EXOC4: variants seen among roughly 807,000 people sequenced by gnomAD.
The protein encoded by EXOC4 is exocyst complex component 4, also known as SEC8-like 1.
Under a neutral mutation model 107.2 loss-of-function variants are expected in EXOC4, and 71 were observed. That is an observed-to-expected ratio of 0.66 (90% CI 0.55 to 0.81). EXOC4 has a LOEUF of 0.81. EXOC4 is among the 30% of genes least tolerant of loss of function. The pLI is 0.00. For synonymous variants in EXOC4, 456 were observed against 441.2 expected (o/e 1.03, Z -0.42); for missense variants, 1,108 against 1,189.6 (o/e 0.93, Z 1.01).
intron 7 of EXOC4, among the ~76,000 whole-genome samples, chr7:133,405,931 T>G (rs1797207059): frequency 6.6e-6 from 1 of 152,194 alleles, no homozygotes; most frequent in African/African-American, 2.4e-5. Context: ...CCTCACTTAG[T>G]AAATATTTGA....
At chr7:133,928,783 A>AGAG (rs1402099722) in intron 13 of EXOC4, among the ~76,000 whole-genome samples, 1 of 152,170 alleles carries the variant, frequency 6.6e-6, no homozygotes, top group East Asian at 1.9e-4. Context: ...GTTGGAGCTC[A>AGAG]GAGGAGGGGG....
At chr7:133,487,157 A>G (rs1245498372) in intron 9 of EXOC4, among the ~76,000 whole-genome samples, 3 of 152,196 alleles carry the variant, frequency 2.0e-5, no homozygotes, top group Non-Finnish European at 4.4e-5. Context: ...TTTATGGTAA[A>G]ATGGATCTTG....
chr7:133,477,176 A>G (rs929203319), intron 8 of EXOC4, among the ~76,000 whole-genome samples: 6 of 152,180 alleles, frequency 3.9e-5, no homozygotes, highest in African/African-American at 1.4e-4. Flanking sequence ...TATTAACTAA[A>G]TTCCATAGTT....
chr7:133,297,923 A>G (rs1429236401), intron 3 of EXOC4, among the ~76,000 whole-genome samples: 1 of 152,172 alleles, frequency 6.6e-6, no homozygotes, highest in African/African-American at 2.4e-5. Context: ...ATCCTCCATC[A>G]TATTTCTGGT....
chr7:133,548,812 T>A (rs1332046247), intron 9 of EXOC4, among the ~76,000 whole-genome samples: 2 of 152,216 alleles, frequency 1.3e-5, no homozygotes, highest in Non-Finnish European at 2.9e-5. Flanking sequence ...ACTAAAACTT[T>A]CGCCATGTAA....
intron 9 of EXOC4, among the ~76,000 whole-genome samples, chr7:133,620,919 G>T (rs1319655216): frequency 6.6e-6 from 1 of 152,224 alleles, no homozygotes; most frequent in African/African-American, 2.4e-5. Flanking sequence ...ATGCTCCTCA[G>T]TGGTTGTCAA....
At chr7:133,313,921 T>G (rs927995427) in intron 4 of EXOC4, among the ~76,000 whole-genome samples, 1 of 152,218 alleles carries the variant, frequency 6.6e-6, no homozygotes, top group Non-Finnish European at 1.5e-5. Flanking sequence ...CAGGGATTAC[T>G]GTACATCAGC....
intron 9 of EXOC4, among the ~76,000 whole-genome samples, chr7:133,584,770 G>T (rs1801363094): frequency 6.6e-6 from 1 of 151,688 alleles, no homozygotes; most frequent in African/African-American, 2.4e-5. Flanking sequence ...GTAGAGATGG[G>T]GTTTTGCCAT....
chr7:133,372,930 A>G (rs1796409651), intron 6 of EXOC4, among the ~76,000 whole-genome samples: 1 of 152,254 alleles, frequency 6.6e-6, no homozygotes, highest in South Asian at 2.1e-4. Context: ...TCAAGAGAGT[A>G]CAAAAGATAT....
chr7:133,817,231 A>T, intron 10 of EXOC4, 94 bp from the exon 11 acceptor site: 1 of 828,586 alleles, frequency 1.2e-6, no homozygotes, highest in Non-Finnish European at 2.0e-6. Context: ...TCTTCACAGA[A>T]ATAGCCAACA....
At chr7:133,253,334 C>T (rs1794937013) in intron 1 of EXOC4, 147 bp downstream of exon 1, 4 of 1,410,494 alleles carry the variant, frequency 2.8e-6, no homozygotes, top group East Asian at 5.3e-5. Context: ...TAACCCCTCC[C>T]CAGGGCCCCA....
chr7:133,288,881 A>C, intron 2 of EXOC4, 41 bp from the exon 3 acceptor site: 1 of 1,576,844 alleles, frequency 6.3e-7, no homozygotes, highest in South Asian at 1.1e-5. Context: ...TAGACTGGCA[A>C]GACTTTGGAC....
intron 9 of EXOC4, among the ~76,000 whole-genome samples, chr7:133,609,714 A>G (rs933307939): frequency 6.6e-6 from 1 of 152,216 alleles, no homozygotes; most frequent in Admixed American, 6.5e-5. Flanking sequence ...GAGAATAGTG[A>G]TAGACACGGT....
rs548479643 is a variant in EXOC4 at position 133,704,379 on chromosome 7, C to T, written c.1514+74238C>T. ...TCATATATGGTGGTCATTGTAACAC[C>T]GTAGTCTTCTGTGACATGTTCCATA... On this transcript the variant is annotated intron_variant, in intron 10 of 17. Transcript: ENST00000253861. 3.9e-5 allele frequency among the ~76,000 whole-genome samples: 6 copies of T among 152,282 alleles called. No individual in the cohort carries two copies. In the South Asian group the frequency reaches 1.0e-3, roughly 26 times the overall value.
intron 10 of EXOC4, among the ~76,000 whole-genome samples, chr7:133,743,815 G>T (rs1177193510): frequency 6.6e-6 from 1 of 152,096 alleles, no homozygotes; most frequent in East Asian, 1.9e-4. Flanking sequence ...GTGTTTTCGT[G>T]CCCTGATGCT....
chr7:133,931,166 C>A (rs1445557692), intron 13 of EXOC4, among the ~76,000 whole-genome samples: 1 of 151,970 alleles, frequency 6.6e-6, no homozygotes, highest in Non-Finnish European at 1.5e-5. Flanking sequence ...GGATCAAGTT[C>A]TTAGATAAAC....
At chr7:133,303,589 AG>A (rs1480207139) in intron 3 of EXOC4, among the ~76,000 whole-genome samples, 1 of 152,240 alleles carries the variant, frequency 6.6e-6, no homozygotes, top group Non-Finnish European at 1.5e-5. Flanking sequence ...CCATAATTAT[AG>A]CTTTATAAAT....
intron 3 of EXOC4, among the ~76,000 whole-genome samples, chr7:133,300,969 G>A (rs1304544345): frequency 6.6e-6 from 1 of 152,154 alleles, no homozygotes; most frequent in Non-Finnish European, 1.5e-5. Flanking sequence ...AAAATAAGAT[G>A]TAGCAATGTA....
At chr7:133,785,834 G>A (rs181683054) in intron 10 of EXOC4, among the ~76,000 whole-genome samples, 19 of 152,110 alleles carry the variant, frequency 1.2e-4, no homozygotes, top group African/African-American at 3.9e-4. Flanking sequence ...CACCATGCCC[G>A]GCTAATTTTT....
Sources: allele counts gnomAD v4.1 joint callset (sites outside exome capture counted in the v4.1 genomes callset), GRCh38; gene constraint gnomAD v4.1.1; transcripts MANE v1.5; gene names NCBI Gene and HGNC (gene_info 2026-07-23, HGNC 2026-07-21).